Variants in FBN2 observed in about 807,000 individuals in gnomAD.
FBN2 encodes the protein fibrillin-2.
A neutral mutation model predicts 355.6 loss-of-function variants in FBN2; 105 were observed. The ratio of observed to expected loss-of-function variants is 0.30; its 90% CI spans 0.25 to 0.35. FBN2 has a LOEUF of 0.35. FBN2 is among the 10% of genes least tolerant of loss of function. The pLI is 1.00. For missense variants in FBN2, 3,280 were observed against 3,758.7 expected (o/e 0.87, Z 3.33); for synonymous variants, 1,350 against 1,301.2 (o/e 1.04, Z -0.81).
intron 60 of FBN2, 36 bp downstream of exon 60, chr5:128,274,531 A>G: frequency 8.9e-7 from 1 of 1,120,566 alleles, no homozygotes; most frequent in Non-Finnish European, 1.4e-6. Flanking sequence ...ATCTACTAGA[A>G]GTTTGTAAAA....
Position 128,327,715 on chromosome 5 carries a change from C to T in FBN2, c.4471+981G>A, listed in dbSNP as rs140707940. 9.9e-3 allele frequency among the ~76,000 whole-genome samples: 1,510 copies of T among 151,882 alleles called. 24 individuals carry two copies. The highest frequency in any genetic ancestry group is 0.034 in the African/African-American group (1,418 of 41,432). ...GTGCAATGGCGCAATCTTGGCTCACCGCAACCTCCGCCTCCAGGGTTCAAG... is the reference window on the plus strand; with the variant it reads ...GTGCAATGGCGCAATCTTGGCTCACTGCAACCTCCGCCTCCAGGGTTCAAG... On this transcript the variant is annotated intron_variant, in intron 34 of 64. Transcript: ENST00000262464.
chr5:128,311,601 C>T (rs556788413), intron 38 of FBN2, among the ~76,000 whole-genome samples, 176 bp from the exon 39 acceptor site: 4 of 152,178 alleles, frequency 2.6e-5, no homozygotes, highest in Non-Finnish European at 4.4e-5. Context: ...TGTCACAGAA[C>T]TTTTACCATT....
At chr5:128,489,282 CA>C (rs2127122860) in intron 5 of FBN2, among the ~76,000 whole-genome samples, 1 of 152,220 alleles carries the variant, frequency 6.6e-6, no homozygotes, top group Admixed American at 6.5e-5. Context: ...TCAATAATGG[CA>C]ATTAAACTTG....
intron 5 of FBN2, among the ~76,000 whole-genome samples, chr5:128,513,007 T>C (rs1361799787): frequency 6.6e-6 from 1 of 152,174 alleles, no homozygotes; most frequent in South Asian, 2.1e-4. Flanking sequence ...TAAAGTTACA[T>C]AGGTTTTAAT....
intron 5 of FBN2, among the ~76,000 whole-genome samples, chr5:128,499,686 T>G (rs1755753433): frequency 6.6e-6 from 1 of 152,202 alleles, no homozygotes; most frequent in South Asian, 2.1e-4. Flanking sequence ...TCTAGCCCAA[T>G]GTCCTCATTT....
intron 4 of FBN2, among the ~76,000 whole-genome samples, chr5:128,525,386 T>C (rs928434974): frequency 2.0e-5 from 3 of 152,172 alleles, no homozygotes; most frequent in African/African-American, 7.2e-5. Flanking sequence ...GTGTTCGTGA[T>C]AGACTTCTGT....
chr5:128,266,385 C>T (rs1054818703), intron 62 of FBN2, among the ~76,000 whole-genome samples: 2 of 152,222 alleles, frequency 1.3e-5, no homozygotes, highest in Non-Finnish European at 2.9e-5. Context: ...ATTTATTCCT[C>T]TGCTCATGGA....
At position 128,378,800 on chromosome 5, in the gene FBN2, T is replaced by C. The variant is rs370778115; in HGVS notation, c.1694A>G (p.Gln565Arg). 3 of 1,613,118 alleles carry C rather than the reference T, an allele frequency of 1.9e-6. No individual in the cohort carries two copies. The highest frequency in any genetic ancestry group is 2.5e-6 in the Non-Finnish European group (3 of 1,179,388). ...GCATGCTTGCTTGGTAGGAGTCCTC[T>C]GGAATCCAGCATGACATTTACAATA... ...SYYCKCHAGF[Q>R]RTPTKQACID... The change falls in exon 12 of 65, where the codon CAG becomes CGG. Residue 565 changes from glutamine (Q) to arginine (R), a missense_variant. Gln to Arg is a conservative substitution (Grantham distance 43, BLOSUM62 1). This residue lies in a region of FBN2 where 2,284 missense variants were observed against 2,749.5 expected (regional missense o/e 0.83). Transcript: ENST00000262464.
chr5:128,392,894 A>T (rs1437694664), intron 10 of FBN2, among the ~76,000 whole-genome samples: 1 of 152,204 alleles, frequency 6.6e-6, no homozygotes, highest in Non-Finnish European at 1.5e-5. Context: ...CTAATTTAAC[A>T]GAAAGTTTAC....
rs368921787 is a variant in FBN2, at chr5:128,285,325, GA to G, written c.7012+1392del. On this transcript the variant is annotated intron_variant, in intron 55 of 64. Transcript: ENST00000262464. ...TAATATTTTTACTGTTTTTAAACTG[GA>G]ATTTCTAGTTGTGAAAACACATTGT... Among the ~76,000 whole-genome samples, 324 of 151,966 alleles carry G rather than the reference GA, an allele frequency of 2.1e-3. 1 individual carries two copies. The highest frequency in any genetic ancestry group is 3.5e-3 in the Non-Finnish European group (235 of 67,962).
intron 55 of FBN2, among the ~76,000 whole-genome samples, chr5:128,283,958 T>C (rs932478700): frequency 6.6e-6 from 1 of 152,202 alleles, no homozygotes; most frequent in African/African-American, 2.4e-5. Context: ...TTATTTCCAA[T>C]ACATTTTCTG....
chr5:128,374,542 A>G, intron 15 of FBN2, 86 bp downstream of exon 15: 1 of 1,551,346 alleles, frequency 6.4e-7, no homozygotes, highest in Non-Finnish European at 8.9e-7. Flanking sequence ...CTTATGGTGA[A>G]TATTACTCCA....
chr5:128,448,136 G>A (rs1386074385), intron 6 of FBN2, among the ~76,000 whole-genome samples: 2 of 152,240 alleles, frequency 1.3e-5, no homozygotes, highest in African/African-American at 2.4e-5. Flanking sequence ...ACCCAGAGCA[G>A]AATTACTAGA....
intron 7 of FBN2, among the ~76,000 whole-genome samples, chr5:128,444,018 C>T (rs1304275788): frequency 1.4e-5 from 2 of 139,998 alleles, no homozygotes; most frequent in South Asian, 2.4e-4. Context: ...CTACTGATTA[C>T]ATTAAATAGT....
At chr5:128,497,463 G>T (rs1435068452) in intron 5 of FBN2, among the ~76,000 whole-genome samples, 1 of 152,194 alleles carries the variant, frequency 6.6e-6, no homozygotes, top group Non-Finnish European at 1.5e-5. Flanking sequence ...GTACAAAGTG[G>T]TTAAGTAATT....
chr5:128,377,451 T>A (rs947016728), intron 13 of FBN2, among the ~76,000 whole-genome samples: 7 of 152,128 alleles, frequency 4.6e-5, no homozygotes, highest in African/African-American at 1.7e-4. Context: ...TTTAAACTTA[T>A]GAAGAATAAC....
In FBN2 at chr5:128,290,738, C is replaced by G. The variant is rs370650204; in HGVS notation, c.6439G>C (p.Asp2147His). 4 of 1,613,996 alleles carry G rather than the reference C, an allele frequency of 2.5e-6. No individual in the cohort carries two copies. The African/African-American group carries it at 5.3e-5, about 22-fold the overall frequency. ...GDPCELCPKD[D>H]EVAFQDLCPY... ...ATGATGTCATTGCTCTTACCTTCAT[C>G]GTCTTTGGGGCACAGCTCACAGGGG... The change falls in exon 50 of 65, where the codon GAT becomes CAT. Residue 2147 changes from aspartate (D) to histidine (H), a missense_variant. Asp to His is a moderately conservative substitution (Grantham distance 81). Transcript: ENST00000262464.
intron 6 of FBN2, among the ~76,000 whole-genome samples, chr5:128,450,063 A>G (rs1754196523): frequency 6.6e-6 from 1 of 152,104 alleles, no homozygotes; most frequent in African/African-American, 2.4e-5. Context: ...AAAGCTGAAA[A>G]CAGAAATAGA....
intron 3 of FBN2, among the ~76,000 whole-genome samples, chr5:128,529,667 G>C (rs6595837): frequency 0.13 from 20,149 of 152,128 alleles, 2,197 homozygotes; most frequent in African/African-American, 0.3. Context: ...AGAAAACTAG[G>C]AACAGGATAA....
Sources: gnomAD v4.1 joint callset for allele counts (sites outside exome capture counted in the v4.1 genomes callset) on GRCh38, gnomAD v4.1.1 for gene constraint, gnomAD v4.1.1 regional missense constraint, MANE v1.5 for transcripts, NCBI Gene and HGNC (gene_info 2026-07-23, HGNC 2026-07-21) for gene names.